The following MOB3B variants were observed in gnomAD, a reference collection of about 807,000 sequenced individuals.
MOB3B encodes the protein MOB kinase activator 3B, also known as MOB kinase activator-like 2B.
Under a neutral mutation model 18.7 loss-of-function variants are expected in MOB3B, and 7 were observed. The observed-to-expected ratio is 0.37, with a 90% confidence interval of 0.21 to 0.70. MOB3B has a LOEUF of 0.70. Among genes scored for constraint, MOB3B ranks in the 30% least tolerant of loss-of-function variants. The pLI is 0.52. For synonymous variants in MOB3B, 111 were observed against 99.9 expected, an observed-to-expected ratio of 1.11 and a Z score of -0.66; for missense variants, 253 against 281.3, an observed-to-expected ratio of 0.90 and a Z score of 0.72.
intron 1 of MOB3B, among the ~76,000 whole-genome samples, chr9:27,481,506 TTTTTGTTTTTTTTG>T (rs1274610903): frequency 1.8e-5 from 1 of 54,626 alleles, no homozygotes. Flanking sequence ...AGTTTTTTTT[TTTTTGTTTTTTTTG>T]TTTTTTTTTT....
intron 1 of MOB3B, among the ~76,000 whole-genome samples, chr9:27,489,606 A>AAAGGCTAACCACG (rs1819783545): frequency 6.6e-6 from 1 of 152,218 alleles, no homozygotes; most frequent in South Asian, 2.1e-4. Context: ...ATCGGAAGAT[A>AAAGGCTAACCACG]AAGGCTAACC....
chr9:27,335,405 GCTCT>G (rs1218410324), intron 3 of MOB3B, among the ~76,000 whole-genome samples: 1 of 152,190 alleles, frequency 6.6e-6, no homozygotes, highest in African/African-American at 2.4e-5. Flanking sequence ...TGGCCTGTGG[GCTCT>G]CTGACTTCAC....
intron 2 of MOB3B, among the ~76,000 whole-genome samples, chr9:27,369,409 A>G (rs771810605): frequency 3.9e-5 from 6 of 152,084 alleles, no homozygotes; most frequent in Non-Finnish European, 8.8e-5. Flanking sequence ...TTCCTAGCTC[A>G]CCTCCTGCCT....
At chr9:27,502,821 G>A (rs1426694539) in intron 1 of MOB3B, among the ~76,000 whole-genome samples, 1 of 152,194 alleles carries the variant, frequency 6.6e-6, no homozygotes, top group Non-Finnish European at 1.5e-5. Context: ...TTTCTAAAGA[G>A]AATGTCACAG....
At chr9:27,398,700 C>T (rs763897999) in intron 2 of MOB3B, among the ~76,000 whole-genome samples, 4 of 152,156 alleles carry the variant, frequency 2.6e-5, no homozygotes, top group South Asian at 4.1e-4. Flanking sequence ...ATGCAGAAAC[C>T]ACTGTGACGC....
chr9:27,374,738 G>A (rs774443907), intron 2 of MOB3B, among the ~76,000 whole-genome samples: 1 of 152,116 alleles, frequency 6.6e-6, no homozygotes, highest in African/African-American at 2.4e-5. Context: ...ACACAAAGAC[G>A]AATTCTTGCT....
chr9:27,479,766 A>T lies in MOB3B; in HGVS notation c.-198-24018T>A, dbSNP rs547517347. On this transcript the variant is annotated intron_variant, in intron 1 of 3. Coordinates refer to ENST00000262244, the MANE Select transcript of MOB3B (RefSeq NM_024761.5). ...CCCTTGCATTACGTGATAGGGGAAT[A>T]GAAATTTTGAATAACTTAAAACTTT... 3.9e-5 allele frequency among the ~76,000 whole-genome samples: 6 copies of T among 152,360 alleles called. No individual in the cohort carries two copies. The East Asian group carries it at 1.2e-3, about 29-fold the overall frequency.
chr9:27,346,776 C>T (rs1231008273), intron 3 of MOB3B, among the ~76,000 whole-genome samples: 2 of 152,110 alleles, frequency 1.3e-5, no homozygotes, highest in African/African-American at 2.4e-5. Flanking sequence ...GGATGGATCA[C>T]TTGAGGTCAG....
chr9:27,368,739 G>A (rs955724864), intron 2 of MOB3B, among the ~76,000 whole-genome samples: 6 of 152,218 alleles, frequency 3.9e-5, no homozygotes, highest in African/African-American at 1.4e-4. Flanking sequence ...ACAGTGGTAT[G>A]TGATTATATG....
intron 2 of MOB3B, among the ~76,000 whole-genome samples, chr9:27,403,403 A>G (rs908500899): frequency 6.6e-6 from 1 of 152,156 alleles, no homozygotes; most frequent in Non-Finnish European, 1.5e-5. Context: ...AACCACAAAT[A>G]TGCACATATA....
intron 3 of MOB3B, among the ~76,000 whole-genome samples, chr9:27,352,850 A>G (rs1017431746): frequency 6.6e-6 from 1 of 152,226 alleles, no homozygotes; most frequent in African/African-American, 2.4e-5. Context: ...GCTACACAAA[A>G]TTGAACAAGT....
chr9:27,388,782 C>T (rs1287466942), intron 2 of MOB3B, among the ~76,000 whole-genome samples: 2 of 152,100 alleles, frequency 1.3e-5, no homozygotes, highest in African/African-American at 4.8e-5. Flanking sequence ...TCAGTACGTG[C>T]CTTGGCCATC....
intron 2 of MOB3B, among the ~76,000 whole-genome samples, chr9:27,445,306 T>C (rs1289365667): frequency 6.7e-6 from 1 of 149,498 alleles, no homozygotes; most frequent in Admixed American, 6.8e-5. Context: ...ACCTTCTAGA[T>C]GGGGAGGTAG....
intron 2 of MOB3B, chr9:27,378,407 AG>A (rs1563853946): frequency 4.2e-6 from 2 of 471,656 alleles, no homozygotes; most frequent in Non-Finnish European, 8.8e-6. Flanking sequence ...AGTGAACAGG[AG>A]GCAAAGCTGG....
intron 1 of MOB3B, 105 bp downstream of exon 1, chr9:27,529,450 G>T: frequency 2.8e-6 from 2 of 712,410 alleles, no homozygotes; most frequent in South Asian, 1.2e-4. Flanking sequence ...TCTTGCACCC[G>T]CGCCCAGGTG....
At chr9:27,441,779 G>A (rs547409746) in intron 2 of MOB3B, among the ~76,000 whole-genome samples, 2 of 152,244 alleles carry the variant, frequency 1.3e-5, no homozygotes, top group African/African-American at 4.8e-5. Flanking sequence ...CGCTTGTCTT[G>A]TTTCAACCAA....
At chr9:27,407,941 G>A (rs1310053075) in intron 2 of MOB3B, among the ~76,000 whole-genome samples, 2 of 152,028 alleles carry the variant, frequency 1.3e-5, no homozygotes, top group African/African-American at 2.4e-5. Flanking sequence ...TCAGATACTG[G>A]GGACCTGAGA....
At chr9:27,527,450 G>T (rs1379985730) in intron 1 of MOB3B, among the ~76,000 whole-genome samples, 1 of 152,108 alleles carries the variant, frequency 6.6e-6, no homozygotes, top group Non-Finnish European at 1.5e-5. Flanking sequence ...TCTATGTGTC[G>T]CATTCCTGGC....
chr9:27,456,992 T>C (rs1036095128), intron 1 of MOB3B, among the ~76,000 whole-genome samples: 5 of 152,210 alleles, frequency 3.3e-5, no homozygotes, highest in African/African-American at 9.7e-5. Context: ...TATAGATTTA[T>C]AATAGGTCTA....
Sources: gnomAD v4.1 joint callset for allele counts (sites outside exome capture counted in the v4.1 genomes callset) on GRCh38, gnomAD v4.1.1 for gene constraint, MANE v1.5 for transcripts, NCBI Gene and HGNC (gene_info 2026-07-23, HGNC 2026-07-21) for gene names.